The following HTR5A variants were observed in gnomAD, a reference collection of about 807,000 sequenced individuals.
HTR5A encodes the protein 5-hydroxytryptamine receptor 5A.
Under a neutral mutation model 24.3 loss-of-function variants are expected in HTR5A, and 21 were observed. The ratio of observed to expected loss-of-function variants is 0.86; its 90% confidence interval spans 0.61 to 1.24. The LOEUF (loss-of-function observed/expected upper bound fraction) is 1.24, where lower values mean the gene tolerates loss of function less well. Ranked by LOEUF, HTR5A falls within the 50% of genes most tolerant of loss-of-function variation. The pLI, the probability that HTR5A is intolerant of heterozygous loss-of-function variation, is 0.00. For missense variants in HTR5A, 497 were observed against 489.5 expected, an observed-to-expected ratio of 1.02 and a Z score of -0.15; for synonymous variants, 260 against 213.7, an observed-to-expected ratio of 1.22 and a Z score of -1.89.
chr7:155,073,759 G>C (rs978757282), intron 1 of HTR5A, among the ~76,000 whole-genome samples: 1 of 151,106 alleles, frequency 6.6e-6, no homozygotes. Context: ...AGGATGAAGG[G>C]CACTCTCATT....
intron 1 of HTR5A, among the ~76,000 whole-genome samples, chr7:155,077,872 T>C (rs1181181763): frequency 6.6e-6 from 1 of 152,234 alleles, no homozygotes; most frequent in Non-Finnish European, 1.5e-5. Flanking sequence ...GAATGATCTG[T>C]TGTTCTGTAA....
chr7:155,070,405 C>A lies in HTR5A; in HGVS notation c.-495C>A. ...GAAGGCAGGTCCCAGAAAGCAGGTT[C>A]CCCCAAAACTGGCTTCCCTAGCACG... is the stretch of plus-strand genomic sequence containing the variant. On this transcript the variant is annotated 5_prime_UTR_variant, in exon 1 of 2. Transcript: ENST00000287907. 2.2e-6 allele frequency: 1 copy of A among 455,112 alleles called. No individual in the cohort carries two copies. Among genetic ancestry groups the A allele is most frequent in the Non-Finnish European group, 4.4e-6 (1 of 226,536 alleles). The allele number at this position is 455,112 out of a possible 1,614,324, so 28.2% of individuals were successfully genotyped here. A position where few individuals can be genotyped will look rare whatever the true frequency, so the allele number is the denominator to read the frequency against.
At chr7:155,073,889 GTA>G (rs1169692099) in intron 1 of HTR5A, among the ~76,000 whole-genome samples, 931 of 9,582 alleles carry the variant, frequency 0.097, 32 homozygotes, top group African/African-American at 0.13. Context: ...ATATATATAT[GTA>G]TATATATATA....
Position 155,071,297 on chromosome 7 carries a change from C to A in HTR5A, c.398C>A (p.Thr133Lys), listed in dbSNP as rs148427087. ...TGCACGGCCAGCATCTGGAACGTGA[C>A]GGCCATAGCCCTGGACCGCTACTGG... is the stretch of plus-strand genomic sequence containing the variant. ...LCCTASIWNV[T>K]AIALDRYWSI... The change falls in exon 1 of 2, where the codon ACG becomes AAG. Residue 133 changes from threonine to lysine, a missense_variant. Transcript: ENST00000287907. 3 of 1,609,904 alleles carry A rather than the reference C, an allele frequency of 1.9e-6. No homozygotes were observed. Among genetic ancestry groups the A allele is most frequent in the Non-Finnish European group, 2.5e-6 (3 of 1,179,850 alleles).
At chr7:155,077,946 C>G (rs1398422726) in intron 1 of HTR5A, among the ~76,000 whole-genome samples, 1 of 152,060 alleles carries the variant, frequency 6.6e-6, no homozygotes, top group African/African-American at 2.4e-5. Context: ...AGTTGTATAT[C>G]TAGTTACAGA....
rs1438773789 is a variant in HTR5A at position 155,084,787 on chromosome 7, G to A, written c.*300G>A. On this transcript the variant is annotated 3_prime_UTR_variant, in exon 2 of 2. Transcript: ENST00000287907. ...CCAAATTCACTCTGGCATGGTGATC[G>A]ACATTGTCTTAAAGAAGTCAAGGCA... is the stretch of plus-strand genomic sequence containing the variant. 6 of 316,704 alleles carry A rather than the reference G, an allele frequency of 1.9e-5. No individual in the cohort carries two copies. Among genetic ancestry groups the A allele is most frequent in the South Asian group, 6.2e-5 (1 of 16,062 alleles). The allele number at this position is 316,704 out of a possible 1,614,324, so 19.6% of individuals were successfully genotyped here. A position where few individuals can be genotyped will look rare whatever the true frequency, so the allele number is the denominator to read the frequency against.
chr7:155,076,457 C>G (rs1217849691), intron 1 of HTR5A, among the ~76,000 whole-genome samples: 2 of 152,072 alleles, frequency 1.3e-5, no homozygotes, highest in Non-Finnish European at 2.9e-5. Context: ...AACAACTTGG[C>G]TTTGGGTAAG....
Position 155,070,925 on chromosome 7 carries a change from C to T in HTR5A, c.26C>T (p.Ser9Phe), listed in dbSNP as rs1434156320. Residue 9 changes from serine (S) to phenylalanine (F), a missense_variant, in exon 1 of 2, where the codon TCC becomes TTC. Transcript: ENST00000287907. Reference protein sequence around the residue: MDLPVNLTSFSLSTPSPLE... With the variant: MDLPVNLTFFSLSTPSPLE... ...ATGGATTTACCTGTGAACCTAACCT[C>T]CTTTTCCCTCTCCACCCCCTCCCCT... is the stretch of plus-strand genomic sequence containing the variant. The T allele has an allele frequency of 3.1e-6, 5 of 1,605,160 alleles. No homozygotes were observed. In the African/African-American group the frequency reaches 4.0e-5, roughly 13 times the overall value.
chr7:155,079,381 G>A (rs1382182215), intron 1 of HTR5A, among the ~76,000 whole-genome samples: 1 of 152,148 alleles, frequency 6.6e-6, no homozygotes, highest in Non-Finnish European at 1.5e-5. Flanking sequence ...GGTTCATTTA[G>A]GAAGTCAGAT....
Position 155,071,543 on chromosome 7 carries a change from T to C in HTR5A, c.644T>C (p.Val215Ala). 2 of 1,614,228 alleles carry C rather than the reference T, an allele frequency of 1.2e-6. No individual in the cohort carries two copies. Among genetic ancestry groups the C allele is most frequent in the Non-Finnish European group, 1.7e-6 (2 of 1,180,044 alleles). The change falls in exon 1 of 2, where the codon GTG becomes GCG. Residue 215 changes from valine to alanine, a missense_variant. Coordinates refer to ENST00000287907, the MANE Select transcript of HTR5A (RefSeq NM_024012.4). ...GGCGCCTTCTACCTGCCGCTCTGTG[T>C]GGTGCTCTTCGTGTACTGGAAGATC... ...TVGAFYLPLC[V>A]VLFVYWKIYK...
At chr7:155,077,987 G>A (rs1292963097) in intron 1 of HTR5A, among the ~76,000 whole-genome samples, 4 of 152,118 alleles carry the variant, frequency 2.6e-5, no homozygotes, top group African/African-American at 9.7e-5. Context: ...AAAAGACAAA[G>A]AAATTGTTGA....
chr7:155,081,761 T>G (rs1360580476), intron 1 of HTR5A, among the ~76,000 whole-genome samples: 2 of 152,152 alleles, frequency 1.3e-5, no homozygotes, highest in African/African-American at 4.8e-5. Context: ...TTCCACCATT[T>G]GAGGGCATTA....
intron 1 of HTR5A, chr7:155,077,289 A>C: frequency 6.6e-6 from 1 of 152,198 alleles, no homozygotes; most frequent in East Asian, 1.9e-4. Flanking sequence ...AATATCAGTT[A>C]TAAGTTGGCA....
chr7:155,079,561 C>A (rs6979020), intron 1 of HTR5A, among the ~76,000 whole-genome samples: 4,446 of 152,268 alleles, frequency 0.029, 196 homozygotes, highest in African/African-American at 0.1. Flanking sequence ...TTTTCTAGAG[C>A]TTCTCTTAAA....
At chr7:155,080,362 A>G (rs780826823) in intron 1 of HTR5A, among the ~76,000 whole-genome samples, 2 of 152,232 alleles carry the variant, frequency 1.3e-5, no homozygotes, top group African/African-American at 2.4e-5. Flanking sequence ...GTTGGTCACA[A>G]ATCCTAGGAT....
At chr7:155,083,516 G>A (rs951180000) in intron 1 of HTR5A, among the ~76,000 whole-genome samples, 18 of 152,190 alleles carry the variant, frequency 1.2e-4, no homozygotes, top group African/African-American at 4.3e-4. Flanking sequence ...CTGATTCTGT[G>A]GGAACCTGCC....
chr7:155,081,920 T>A (rs993848866), intron 1 of HTR5A, among the ~76,000 whole-genome samples: 4 of 152,160 alleles, frequency 2.6e-5, no homozygotes, highest in African/African-American at 9.7e-5. Context: ...AGTAAAATAA[T>A]CAACATTTCA....
In HTR5A at chr7:155,078,461, T is replaced by C. The variant is rs146487246; in HGVS notation, c.742-5694T>C. Among the ~76,000 whole-genome samples the C allele has an allele frequency of 2.0e-3, 307 of 152,252 alleles. 2 individuals carry two copies. The highest frequency in any genetic ancestry group is 6.8e-3 in the African/African-American group (281 of 41,562). ...CCGAGTAGCTGGGACTGCAAGTGTGTTCCATCACACCTGGCTAATTTTTGT... is the reference window on the plus strand; with the variant it reads ...CCGAGTAGCTGGGACTGCAAGTGTGCTCCATCACACCTGGCTAATTTTTGT... On this transcript the variant is annotated intron_variant, in intron 1 of 1. Coordinates refer to ENST00000287907, the MANE Select transcript of HTR5A (RefSeq NM_024012.4).
At position 155,071,154 on chromosome 7, in the gene HTR5A, G is replaced by A. The variant is rs765107082; in HGVS notation, c.255G>A (p.Ser85=). The A allele has an allele frequency of 3.1e-6, 5 of 1,603,834 alleles. No homozygotes were observed. In the African/African-American group the frequency reaches 5.3e-5, roughly 17 times the overall value. The stretch of plus-strand genomic sequence containing the variant: ...ACCTGGTGGCATCCATGGCCGTCTC[G>A]GATGTCCTGGTGGCCGCGCTGGTCA... The part of the protein sequence containing the change: ...PHNLVASMAV[S]DVLVAALVMP... Residue 85 remains serine (S), a synonymous_variant, in exon 1 of 2, where the codon TCG becomes TCA. Coordinates refer to ENST00000287907, the MANE Select transcript of HTR5A (RefSeq NM_024012.4).
Sources: allele counts gnomAD v4.1 joint callset (sites outside exome capture counted in the v4.1 genomes callset), GRCh38; gene constraint gnomAD v4.1.1; transcripts MANE v1.5; gene names NCBI Gene and HGNC (gene_info 2026-07-23, HGNC 2026-07-21).